Variants in FBXO42 observed in about 807,000 individuals in gnomAD.
FBXO42 encodes the protein F-box only protein 42.
FBXO42 carries 12 observed loss-of-function variants against 71.7 expected under a neutral mutation model. The observed-to-expected ratio is 0.17, with a 90% confidence interval of 0.11 to 0.27. FBXO42 has a LOEUF of 0.27. FBXO42 is among the 10% of genes least tolerant of loss of function. FBXO42 has a pLI of 1.00. For missense variants in FBXO42, 707 were observed against 911.9 expected (o/e 0.78, Z 2.89); for synonymous variants, 325 against 327.5 (o/e 0.99, Z 0.08).
intron 4 of FBXO42, among the ~76,000 whole-genome samples, chr1:16,274,444 A>C (rs1455159485): frequency 6.6e-6 from 1 of 152,054 alleles, no homozygotes; most frequent in African/African-American, 2.4e-5. Flanking sequence ...TTTTGAGGTG[A>C]AGAAAGTTTT....
intron 1 of FBXO42, among the ~76,000 whole-genome samples, chr1:16,347,488 T>G (rs1210286947): frequency 6.6e-6 from 1 of 151,926 alleles, no homozygotes; most frequent in Non-Finnish European, 1.5e-5. Context: ...CCCTCCAGCC[T>G]AGGCAACAGA....
intron 4 of FBXO42, among the ~76,000 whole-genome samples, chr1:16,275,958 G>A (rs577184668): frequency 1.7e-3 from 263 of 151,944 alleles, no homozygotes; most frequent in Non-Finnish European, 3.0e-3. Flanking sequence ...GTGAGACCCC[G>A]TCTCAAAATA....
chr1:16,322,735 C>T (rs1451931497), intron 1 of FBXO42, among the ~76,000 whole-genome samples: 2 of 152,160 alleles, frequency 1.3e-5, no homozygotes, highest in Non-Finnish European at 2.9e-5. Context: ...AGCTTTAATG[C>T]TGTGAAACCT....
intron 3 of FBXO42, 136 bp from the exon 4 acceptor site, chr1:16,295,053 G>T: frequency 2.1e-6 from 2 of 947,056 alleles, no homozygotes; most frequent in Non-Finnish European, 3.0e-6. Flanking sequence ...TCTATTACCA[G>T]CCTCTTGTCT....
intron 3 of FBXO42, among the ~76,000 whole-genome samples, chr1:16,297,453 T>C (rs1001119201): frequency 6.6e-6 from 1 of 152,176 alleles, no homozygotes; most frequent in African/African-American, 2.4e-5. Context: ...AGCTGCAGGC[T>C]TTTAAAATTA....
At chr1:16,264,569 C>T (rs1221636388) in intron 4 of FBXO42, among the ~76,000 whole-genome samples, 1 of 152,216 alleles carries the variant, frequency 6.6e-6, no homozygotes, top group Non-Finnish European at 1.5e-5. Flanking sequence ...AATGTGCCCA[C>T]ATCAAGCGTA....
intron 6 of FBXO42, among the ~76,000 whole-genome samples, chr1:16,254,951 T>C (rs1380612272): frequency 6.6e-6 from 1 of 152,226 alleles, no homozygotes; most frequent in African/African-American, 2.4e-5. Context: ...CTTCTTTCTT[T>C]CTTTTCATGC....
At position 16,294,775 on chromosome 1, in the gene FBXO42, T is replaced by C. The variant is rs371471319; in HGVS notation, c.502+8A>G. The stretch of plus-strand genomic sequence containing the variant: ...TAAGGAGGCAAAGATCAGCATTTCA[T>C]CTCTTACCTGAAGCCAAAGGTCGGA... On this transcript the variant is annotated splice_region_variant and intron_variant, in intron 4 of 9. Transcript: ENST00000375592. 1.4e-5 allele frequency: 22 copies of C among 1,613,156 alleles called. No individual in the cohort carries two copies. Among genetic ancestry groups the C allele is most frequent in the Non-Finnish European group, 1.8e-5 (21 of 1,179,616 alleles).
chr1:16,305,953 CACTTA>C, intron 2 of FBXO42, 34 bp from the exon 3 acceptor site: 1 of 1,354,858 alleles, frequency 7.4e-7, no homozygotes, highest in Non-Finnish European at 1.1e-6. Flanking sequence ...TCAGTCCAGA[CACTTA>C]ACTTATCCAT....
chr1:16,282,895 T>C (rs1340077681), intron 4 of FBXO42, among the ~76,000 whole-genome samples: 1 of 151,478 alleles, frequency 6.6e-6, no homozygotes, highest in Non-Finnish European at 1.5e-5. Flanking sequence ...GCAGGAGAAC[T>C]GCTTGAACCC....
intron 1 of FBXO42, among the ~76,000 whole-genome samples, chr1:16,331,357 G>GT (rs2082498692): frequency 6.6e-6 from 1 of 151,978 alleles, no homozygotes; most frequent in African/African-American, 2.4e-5. Flanking sequence ...AGAGCTTGCA[G>GT]TGAGCCGAGA....
intron 1 of FBXO42, among the ~76,000 whole-genome samples, chr1:16,334,951 G>A (rs529137930): frequency 8.0e-5 from 12 of 150,196 alleles, no homozygotes; most frequent in African/African-American, 1.7e-4. Flanking sequence ...TAATGGCCAC[G>A]CGCAGTGGTT....
In FBXO42 at chr1:16,250,727, C is replaced by T. The variant is rs1244523325; in HGVS notation, c.2097G>A (p.Gln699=). Residue 699 remains glutamine, a synonymous_variant, in exon 10 of 10, where the codon CAG becomes CAA. Coordinates refer to ENST00000375592, the MANE Select transcript of FBXO42 (RefSeq NM_018994.3). The surrounding 1 kb of genome is among the most constrained non-coding windows in gnomAD (Gnocchi z 4.7). ...TTGTTTTTGGATAGTACTTCACATT[C>T]TGTTTCTTGTCCATGAGTCCTCCAA... ...IIFGGLMDKK[Q]NVKYYPKTNA... is the part of the protein sequence containing the mutation. 1.2e-6 allele frequency: 2 copies of T among 1,614,026 alleles called. No homozygotes were observed. Among genetic ancestry groups the T allele is most frequent in the African/African-American group, 2.7e-5 (2 of 74,916 alleles).
chr1:16,278,996 G>A (rs1323370456), intron 4 of FBXO42, among the ~76,000 whole-genome samples: 5 of 152,012 alleles, frequency 3.3e-5, no homozygotes, highest in East Asian at 1.9e-4. Flanking sequence ...GGCTGGTCTC[G>A]AACTCCCGAC....
intron 5 of FBXO42, among the ~76,000 whole-genome samples, chr1:16,256,380 T>G (rs1297678434): frequency 3.9e-5 from 6 of 152,166 alleles, no homozygotes. Context: ...CTCTTCTATT[T>G]TTTCTCTTTA....
intron 3 of FBXO42, among the ~76,000 whole-genome samples, chr1:16,297,343 G>T (rs943964308): frequency 1.1e-4 from 17 of 152,114 alleles, no homozygotes; most frequent in African/African-American, 4.1e-4. Context: ...CAAGTTAAGA[G>T]GTAATGAAAG....
chr1:16,291,625 T>C (rs959478633), intron 4 of FBXO42, among the ~76,000 whole-genome samples: 2 of 152,038 alleles, frequency 1.3e-5, no homozygotes, highest in Non-Finnish European at 2.9e-5. Context: ...CAAGTGATCC[T>C]CTCACCTCAG....
chr1:16,288,078 G>A (rs764088056), intron 4 of FBXO42, among the ~76,000 whole-genome samples: 17 of 152,056 alleles, frequency 1.1e-4, no homozygotes, highest in Non-Finnish European at 1.9e-4. Flanking sequence ...CCCAGGAGAT[G>A]GAGTGAGCCG....
intron 1 of FBXO42, among the ~76,000 whole-genome samples, chr1:16,343,959 A>G (rs1047872058): frequency 3.3e-5 from 5 of 151,618 alleles, no homozygotes; most frequent in African/African-American, 1.2e-4. Flanking sequence ...TGGCAAAAAA[A>G]AAAAAAACAA....
Sources: allele counts gnomAD v4.1 joint callset (sites outside exome capture counted in the v4.1 genomes callset), GRCh38; gene constraint gnomAD v4.1.1; non-coding constraint Gnocchi (gnomAD v3.1); transcripts MANE v1.5; gene names NCBI Gene and HGNC (gene_info 2026-07-23, HGNC 2026-07-21).